FOXP2: variants seen among roughly 807,000 people sequenced by gnomAD.
The protein encoded by FOXP2 is forkhead box P2.
In FOXP2, 12 loss-of-function variants were observed where a neutral mutation model predicts 115.8. The observed-to-expected ratio is 0.10, with a 90% CI of 0.07 to 0.17. The LOEUF (loss-of-function observed/expected upper bound fraction) is 0.17. Among genes scored for constraint, FOXP2 ranks in the 10% least tolerant of loss-of-function variants. The pLI is 1.00. For synonymous variants in FOXP2, 328 were observed against 297.7 expected (o/e 1.10, Z -1.05); for missense variants, 629 against 843.5 (o/e 0.75, Z 3.15).
chr7:114,641,105 C>G (rs1805502170), intron 6 of FOXP2, among the ~76,000 whole-genome samples: 1 of 152,276 alleles, frequency 6.6e-6, no homozygotes, highest in Non-Finnish European at 1.5e-5. Context: ...TAAATCACAA[C>G]TTTACCACGT....
upstream of FOXP2, among the ~76,000 whole-genome samples, chr7:114,410,166 G>GTT (rs1793129536): frequency 6.6e-6 from 1 of 152,040 alleles, no homozygotes; most frequent in Admixed American, 6.6e-5. Context: ...ACTAAATGGC[G>GTT]TTGTACTCTC....
In FOXP2 at chr7:114,690,038, T is replaced by C; in HGVS notation, c.*112T>C. On this transcript the variant is annotated 3_prime_UTR_variant, in exon 17 of 17. Transcript: ENST00000350908. ...ACTGTGACTATTTATTAAGCATGGA[T>C]AAAGGAGACAGCCCTAAAGGAACTT... is the stretch of plus-strand genomic sequence containing the variant. The C allele has an allele frequency of 7.5e-7, 1 of 1,336,766 alleles. No individual in the cohort carries two copies. Among genetic ancestry groups the C allele is most frequent in the South Asian group, 1.2e-5 (1 of 83,976 alleles). The allele number at this position is 1,336,766 out of a possible 1,614,324, so 82.8% of individuals were successfully genotyped here.
At chr7:114,473,033 G>A (rs555966654) in intron 2 of FOXP2, among the ~76,000 whole-genome samples, 4 of 152,168 alleles carry the variant, frequency 2.6e-5, no homozygotes, top group South Asian at 2.1e-4. Flanking sequence ...TTTAACCTTC[G>A]TATTAACCAC....
intron 16 of FOXP2, among the ~76,000 whole-genome samples, chr7:114,673,856 C>A (rs1228965277): frequency 6.6e-6 from 1 of 152,124 alleles, no homozygotes; most frequent in Admixed American, 6.5e-5. Context: ...CCTGCCACTA[C>A]ACCCGACTAA....
At chr7:114,584,398 T>TA (rs1802024344) in intron 3 of FOXP2, among the ~76,000 whole-genome samples, 1 of 152,224 alleles carries the variant, frequency 6.6e-6, no homozygotes. Flanking sequence ...ATTTGACAGT[T>TA]AATAGGCAAA....
intron 2 of FOXP2, among the ~76,000 whole-genome samples, chr7:114,442,509 G>A (rs549736284): frequency 6.6e-6 from 1 of 152,284 alleles, no homozygotes; most frequent in East Asian, 1.9e-4. Flanking sequence ...CCAGGCTGGA[G>A]ATCAGAGGTG....
At chr7:114,342,908 C>A (rs183295780) in intron 2 of FOXP2, among the ~76,000 whole-genome samples, 55 of 151,590 alleles carry the variant, frequency 3.6e-4, no homozygotes, top group African/African-American at 1.3e-3. Context: ...TTACTATGTT[C>A]TCACACTCTT....
At chr7:114,108,784 T>C (rs1791188965) in intron 1 of FOXP2, among the ~76,000 whole-genome samples, 1 of 151,948 alleles carries the variant, frequency 6.6e-6, no homozygotes, top group Non-Finnish European at 1.5e-5. Flanking sequence ...CAGATCAGCT[T>C]TATTCAGAAA....
intron 2 of FOXP2, among the ~76,000 whole-genome samples, chr7:114,408,044 A>G (rs1048188924): frequency 6.6e-6 from 1 of 152,172 alleles, no homozygotes; most frequent in African/African-American, 2.4e-5. Flanking sequence ...GTAAAGCTGA[A>G]TTTTTGATTA....
intron 1 of FOXP2, among the ~76,000 whole-genome samples, chr7:114,420,238 G>A (rs1293877874): frequency 2.0e-5 from 3 of 151,854 alleles, no homozygotes; most frequent in Non-Finnish European, 2.9e-5. Context: ...GAAGGCTATT[G>A]CAAGTAGTCC....
chr7:114,360,472 C>A lies in FOXP2; in HGVS notation c.-10-66030C>A, dbSNP rs143937006. ...AACCATCTTTTGACTGTGAGGAAAA[C>A]CTGATTTGGAATAAACTCAATTTTG... On this transcript the variant is annotated intron_variant, in intron 2 of 17. Transcript: ENST00000634411. Among the ~76,000 whole-genome samples the A allele has an allele frequency of 1.7e-3, 258 of 152,158 alleles. 5 individuals carry two copies. In the East Asian group the frequency reaches 0.037, roughly 22 times the overall value.
chr7:114,539,303 C>T (rs1464956646), intron 3 of FOXP2, among the ~76,000 whole-genome samples: 1 of 151,598 alleles, frequency 6.6e-6, no homozygotes, highest in African/African-American at 2.4e-5. Context: ...ATTTATGTAG[C>T]GATAAAGAAT....
chr7:114,309,821 C>T (rs1163644790), intron 2 of FOXP2, among the ~76,000 whole-genome samples: 2 of 151,200 alleles, frequency 1.3e-5, no homozygotes, highest in Admixed American at 1.3e-4. Context: ...CATGCCACCA[C>T]ACTCAACTCT....
intron 2 of FOXP2, among the ~76,000 whole-genome samples, chr7:114,429,962 C>T (rs1414584151): frequency 6.6e-6 from 1 of 151,526 alleles, no homozygotes; most frequent in Admixed American, 6.6e-5. Flanking sequence ...ATAATTTGAT[C>T]AAGGAAGTGC....
intron 2 of FOXP2, among the ~76,000 whole-genome samples, chr7:114,351,238 C>A (rs1791481836): frequency 6.6e-6 from 1 of 152,048 alleles, no homozygotes; most frequent in Non-Finnish European, 1.5e-5. Context: ...TTTAATAAAA[C>A]AGAGAACTAT....
intron 1 of FOXP2, among the ~76,000 whole-genome samples, chr7:114,180,599 C>A (rs1198596304): frequency 6.6e-6 from 1 of 151,956 alleles, no homozygotes; most frequent in Non-Finnish European, 1.5e-5. Context: ...GCTCCTGCCC[C>A]ACATATCAAA....
intron 10 of FOXP2, among the ~76,000 whole-genome samples, chr7:114,654,450 T>C (rs1385061741): frequency 1.3e-5 from 2 of 152,132 alleles, no homozygotes; most frequent in South Asian, 2.1e-4. Context: ...GTCATAAAGG[T>C]CATGGTATTT....
At chr7:114,234,156 A>G (rs537123722) in intron 1 of FOXP2, among the ~76,000 whole-genome samples, 3 of 152,296 alleles carry the variant, frequency 2.0e-5, no homozygotes, top group Admixed American at 1.3e-4. Context: ...CCTCATTTAT[A>G]TGATGGGAAA....
chr7:114,690,660 A>G lies in FOXP2; in HGVS notation c.*734A>G. On this transcript the variant is annotated 3_prime_UTR_variant, in exon 17 of 17. Coordinates refer to ENST00000350908, the MANE Select transcript of FOXP2 (RefSeq NM_014491.4). The stretch of plus-strand genomic sequence containing the variant: ...GCAAGCACCATAGAAACATTTGCAT[A>G]TCTGCATAGATCTTACAACTGTACT... The G allele has an allele frequency of 2.2e-6, 1 of 454,416 alleles. No individual in the cohort carries two copies. The highest frequency in any genetic ancestry group is 1.6e-5 in the South Asian group (1 of 64,482). The allele number at this position is 454,416 out of a possible 1,614,324, so 28.1% of individuals were successfully genotyped here.
Sources: allele counts gnomAD v4.1 joint callset (sites outside exome capture counted in the v4.1 genomes callset), GRCh38; gene constraint gnomAD v4.1.1; transcripts MANE v1.5; gene names NCBI Gene and HGNC (gene_info 2026-07-23, HGNC 2026-07-21).